MAPK8IP3: variants seen among roughly 807,000 people sequenced by gnomAD.
MAPK8IP3 encodes the protein C-Jun-amino-terminal kinase-interacting protein 3.
MAPK8IP3 carries 49 observed loss-of-function variants against 157.8 expected under a neutral mutation model. The ratio of observed to expected loss-of-function variants is 0.31; its 90% CI spans 0.25 to 0.39. The LOEUF is 0.39. Ranked by LOEUF, MAPK8IP3 falls within the 10% of genes least tolerant of loss-of-function variation. The pLI, the probability that MAPK8IP3 is intolerant of heterozygous loss-of-function variation, is 1.00. For synonymous variants in MAPK8IP3, 897 were observed against 777.7 expected, an observed-to-expected ratio of 1.15 and a Z score of -2.55; for missense variants, 1,478 against 1,889.4, an observed-to-expected ratio of 0.78 and a Z score of 4.04.
Position 1,724,456 on chromosome 16 carries a change from C to T in MAPK8IP3, c.319-101C>T. 6.1e-6 allele frequency: 9 copies of T among 1,475,074 alleles called. No individual in the cohort carries two copies. Among genetic ancestry groups the T allele is most frequent in the African/African-American group, 1.4e-5 (1 of 71,474 alleles). The allele number at this position is 1,475,074 out of a possible 1,614,324, so 91.4% of individuals were successfully genotyped here. A position where few individuals can be genotyped will look rare whatever the true frequency, so the allele number is the denominator to read the frequency against. ...GGCCAGCTTGTGGCCCTGGGGACAT[C>T]TTTGGCCCCTGGGCCCTCAAAGCCT... On this transcript the variant is annotated intron_variant, in intron 1 of 31. Transcript: ENST00000610761. The surrounding 1 kb of genome is among the most constrained non-coding windows in gnomAD (Gnocchi z 4.1).
chr16:1,727,909 G>GAC (rs1359022908), intron 2 of MAPK8IP3, among the ~76,000 whole-genome samples: 1 of 152,244 alleles, frequency 6.6e-6, no homozygotes, highest in African/African-American at 2.4e-5. Flanking sequence ...TTTCTAAACA[G>GAC]ACACCAGAAA....
chr16:1,736,021 ACCGT>A (rs1352598555), intron 4 of MAPK8IP3, among the ~76,000 whole-genome samples: 4 of 121,696 alleles, frequency 3.3e-5, no homozygotes, highest in Non-Finnish European at 6.6e-5. Context: ...TGAGAGTGTG[ACCGT>A]CCATGTGAGC....
Position 1,762,796 on chromosome 16 carries a change from G to A in MAPK8IP3, c.1728-40G>A, listed in dbSNP as rs763209909. 73 of 1,602,924 alleles carry A rather than the reference G, an allele frequency of 4.6e-5. 3 individuals are homozygous for A. The South Asian group carries it at 8.0e-4, about 17-fold the overall frequency. On this transcript the variant is annotated intron_variant, in intron 15 of 31. Coordinates refer to ENST00000610761, the MANE Select transcript of MAPK8IP3 (RefSeq NM_001318852.2). ...AGGGGAAGGGGCAGGGAGGTTCCCT[G>A]GTCCTCTGCCCACCCCTCACCTCCC...
chr16:1,748,558 G>T (rs367670602), intron 7 of MAPK8IP3, 44 bp from the exon 8 acceptor site: 43 of 1,505,114 alleles, frequency 2.9e-5, no homozygotes, highest in African/African-American at 1.9e-4. Flanking sequence ...ACTCCGGGCT[G>T]CCCACTGACT....
chr16:1,739,722 CTGTGTGACCGTGTG>C (rs1309819440), intron 4 of MAPK8IP3, among the ~76,000 whole-genome samples: 7 of 102,554 alleles, frequency 6.8e-5, no homozygotes, highest in Non-Finnish European at 1.2e-4. Context: ...GTGTGAGCAT[CTGTGTGACCGTGTG>C]TGTGTGACCG....
rs775761474 is a variant in MAPK8IP3, at chr16:1,729,558, G to C, written c.582G>C (p.Glu194Asp). The part of the protein sequence containing the change: ...MQQVGGNSQT[E>D]SSLPGRSRKE... ...AGGTCGGAGGAAACAGCCAGACCGA[G>C]AGCAGCCTGCCGGGGCGGAGGTACG... is the stretch of plus-strand genomic sequence containing the variant. Residue 194 changes from glutamate to aspartate, a missense_variant, in exon 4 of 32, where the codon GAG becomes GAC. By Grantham distance (45) the Glu-to-Asp change is conservative. Around this residue, in one of 11 missense-constraint regions of MAPK8IP3, gnomAD observed 315 missense variants for 394.4 expected, o/e 0.80. Transcript: ENST00000610761. The C allele has an allele frequency of 6.2e-7, 1 of 1,609,010 alleles. No individual in the cohort carries two copies. The highest frequency in any genetic ancestry group is 1.1e-5 in the South Asian group (1 of 90,384).
rs530249318 is a variant in MAPK8IP3, at chr16:1,765,114, G to A, written c.2382G>A (p.Pro794=). 1.2e-5 allele frequency: 19 copies of A among 1,612,454 alleles called. No individual in the cohort carries two copies. The East Asian group carries it at 2.0e-4, about 17-fold the overall frequency. Residue 794 remains proline (P), a synonymous_variant, in exon 20 of 32, where the codon CCG becomes CCA. Transcript: ENST00000610761. ...SKVVIIDANQ[P]GTVVDQFTVC... is the part of the protein sequence containing the mutation. ...TGGTGATCATCGACGCCAACCAGCC[G>A]GGCACGGTGGTGGACCAGTTCACCG...
chr16:1,708,670 A>G (rs920641753), intron 1 of MAPK8IP3, among the ~76,000 whole-genome samples: 40 of 151,918 alleles, frequency 2.6e-4, no homozygotes, highest in African/African-American at 9.2e-4. Flanking sequence ...CAAAGCTATC[A>G]CCTTTAGTCT....
chr16:1,764,535 G>A, intron 19 of MAPK8IP3, 76 bp downstream of exon 19: 2 of 1,537,914 alleles, frequency 1.3e-6, no homozygotes, highest in East Asian at 2.3e-5. Context: ...CATGCTGGGA[G>A]TGAGACACAG....
chr16:1,759,100 G>C (rs1335677747), intron 10 of MAPK8IP3, 105 bp downstream of exon 10: 2 of 1,484,150 alleles, frequency 1.3e-6, no homozygotes, highest in African/African-American at 1.4e-5. Flanking sequence ...ACAGTGTTGG[G>C]GCCGCCGGGG....
intron 2 of MAPK8IP3, among the ~76,000 whole-genome samples, chr16:1,726,501 C>G (rs1397116785): frequency 1.1e-4 from 16 of 152,056 alleles, no homozygotes; most frequent in Admixed American, 9.8e-4. Context: ...CTGGTGAAAC[C>G]CCATCTCTAC....
At chr16:1,762,233 T>C (rs2041994999) in intron 13 of MAPK8IP3, 118 bp from the exon 14 acceptor site, 8 of 1,348,306 alleles carry the variant, frequency 5.9e-6, no homozygotes, top group Non-Finnish European at 7.9e-6. Context: ...GCTTCTTGCC[T>C]GAGGATCTGA....
chr16:1,763,980 C>T lies in MAPK8IP3; in HGVS notation c.2026-135C>T, dbSNP rs915508369. 18 of 1,073,488 alleles carry T rather than the reference C, an allele frequency of 1.7e-5. No individual in the cohort carries two copies. The Admixed American group carries it at 2.0e-4, about 12-fold the overall frequency. The allele number at this position is 1,073,488 out of a possible 1,614,324, so 66.5% of individuals were successfully genotyped here. A position where few individuals can be genotyped will look rare whatever the true frequency, so the allele number is the denominator to read the frequency against. Reference sequence around the variant, plus strand: ...GAGGGTCGGAGAAGGAGCCCCGCGGCTCCCACGCCCCCACCTGCCTCCAGT... The same window carrying T: ...GAGGGTCGGAGAAGGAGCCCCGCGGTTCCCACGCCCCCACCTGCCTCCAGT... On this transcript the variant is annotated intron_variant, in intron 17 of 31. Transcript: ENST00000610761.
chr16:1,759,538 G>T (rs551824658), intron 10 of MAPK8IP3, among the ~76,000 whole-genome samples: 1 of 152,108 alleles, frequency 6.6e-6, no homozygotes, highest in Non-Finnish European at 1.5e-5. Flanking sequence ...CCCCATCGCC[G>T]CACCCCAGCC....
intron 4 of MAPK8IP3, among the ~76,000 whole-genome samples, chr16:1,732,378 G>A (rs753581657): frequency 6.6e-6 from 1 of 152,252 alleles, no homozygotes. Context: ...ACCTGCAAAC[G>A]AGAAGGGTCA....
intron 1 of MAPK8IP3, chr16:1,713,658 A>G (rs1833539940): frequency 6.6e-6 from 1 of 152,248 alleles, no homozygotes; most frequent in Admixed American, 6.5e-5. Context: ...GCAACAGGAA[A>G]CAGCAGAGAG....
intron 10 of MAPK8IP3, 120 bp from the exon 11 acceptor site, chr16:1,759,838 C>A (rs1305299916): frequency 3.6e-6 from 3 of 843,032 alleles, no homozygotes; most frequent in South Asian, 3.0e-5. Context: ...CCCTGTAGAT[C>A]GGGCGTCATC....
chr16:1,766,571 GCCAGAGC>G lies in MAPK8IP3; in HGVS notation c.2867_2873del (p.Glu956AlafsTer42). 1 of 1,612,340 alleles carries G rather than the reference GCCAGAGC, an allele frequency of 6.2e-7. No individual in the cohort carries two copies. The highest frequency in any genetic ancestry group is 8.5e-7 in the Non-Finnish European group (1 of 1,179,878). On this transcript the variant is annotated frameshift_variant, in exon 23 of 32. Transcript: ENST00000610761. LOFTEE classifies it high-confidence loss of function. ...CTGACAGCAGCAGCACACGGCCAGA[GCCAGAGC>G]CCAGCGGGGACCCCACGGGAGCAGG...
In MAPK8IP3 at chr16:1,759,977, G is replaced by T. The variant is rs2041841235; in HGVS notation, c.1266G>T (p.Gly422=). The change falls in exon 11 of 32, where the codon GGG becomes GGT. Residue 422 remains glycine, a synonymous_variant. Coordinates refer to ENST00000610761, the MANE Select transcript of MAPK8IP3 (RefSeq NM_001318852.2). ...DDFFGMGKEV[G]NLLLENSQLL... The stretch of plus-strand genomic sequence containing the variant: ...TTTCAGGAATGGGCAAAGAAGTGGG[G>T]AATCTGCTACTGGAAAACTCACAGC... 1 of 1,614,088 alleles carries T rather than the reference G, an allele frequency of 6.2e-7. No homozygotes were observed. Among genetic ancestry groups the T allele is most frequent in the South Asian group, 1.1e-5 (1 of 91,092 alleles).
Sources: gnomAD v4.1 joint callset for allele counts (sites outside exome capture counted in the v4.1 genomes callset) on GRCh38, gnomAD v4.1.1 for gene constraint, gnomAD v4.1.1 regional missense constraint, Gnocchi (gnomAD v3.1) non-coding constraint, MANE v1.5 for transcripts, NCBI Gene and HGNC (gene_info 2026-07-23, HGNC 2026-07-21) for gene names.